PDE10A: variants seen among roughly 807,000 people sequenced by gnomAD.
PDE10A encodes cAMP and cAMP-inhibited cGMP 3',5'-cyclic phosphodiesterase 10A.
A neutral mutation model predicts 97.7 loss-of-function variants in PDE10A; 39 were observed. The observed-to-expected ratio is 0.40, with a 90% CI of 0.31 to 0.52. The LOEUF (loss-of-function observed/expected upper bound fraction) is 0.52, where lower values mean the gene tolerates loss of function less well. Ranked by LOEUF, PDE10A falls within the 20% of genes least tolerant of loss-of-function variation. PDE10A has a pLI of 0.56. For missense variants in PDE10A, 731 were observed against 1,047.8 expected (o/e 0.70, Z 4.17); for synonymous variants, 371 against 376.8 (o/e 0.98, Z 0.18).
chr6:165,659,023 G>A (rs886455623), intron 1 of PDE10A, among the ~76,000 whole-genome samples: 1 of 152,148 alleles, frequency 6.6e-6, no homozygotes, highest in African/African-American at 2.4e-5. Context: ...TGTCTCTGGG[G>A]CCTGGGTCCT....
chr6:165,496,565 CTTAACA>C (rs1780549124), intron 2 of PDE10A, among the ~76,000 whole-genome samples: 1 of 152,168 alleles, frequency 6.6e-6, no homozygotes, highest in South Asian at 2.1e-4. Flanking sequence ...GTCCATTCAA[CTTAACA>C]TTAACTCTCT....
intron 1 of PDE10A, among the ~76,000 whole-genome samples, chr6:165,591,156 A>G (rs1329314684): frequency 2.6e-5 from 4 of 152,204 alleles, no homozygotes; most frequent in African/African-American, 9.6e-5. Context: ...TCAAAAGATC[A>G]TGTGTAATTC....
intron 1 of PDE10A, among the ~76,000 whole-genome samples, chr6:165,693,307 G>A (rs1428671560): frequency 6.6e-6 from 1 of 152,054 alleles, no homozygotes; most frequent in African/African-American, 2.4e-5. Context: ...TAGGTGGGTG[G>A]ATCATCTGAG....
intron 18 of PDE10A, among the ~76,000 whole-genome samples, chr6:165,370,865 T>G (rs1784189946): frequency 6.7e-6 from 1 of 149,656 alleles, no homozygotes; most frequent in South Asian, 2.1e-4. Context: ...AGAACAGAAA[T>G]TATAACAAAC....
chr6:165,618,992 G>A (rs1319257974), intron 1 of PDE10A, among the ~76,000 whole-genome samples: 2 of 148,588 alleles, frequency 1.3e-5, no homozygotes, highest in African/African-American at 5.1e-5. Flanking sequence ...GTGTAGTGTA[G>A]TCTAGTGTAG....
chr6:165,336,254 A>T, intron 20 of PDE10A, 43 bp from the exon 21 acceptor site: 1 of 1,264,312 alleles, frequency 7.9e-7, no homozygotes, highest in South Asian at 1.2e-5. Flanking sequence ...AAAAGTGCAC[A>T]TTAGCAATTC....
intron 1 of PDE10A, among the ~76,000 whole-genome samples, chr6:165,700,312 G>T (rs1791536787): frequency 6.6e-6 from 1 of 151,990 alleles, no homozygotes; most frequent in Admixed American, 6.6e-5. Flanking sequence ...TAGGGGGCAG[G>T]GTAGGGATAC....
chr6:165,926,993 G>T lies in PDE10A; in HGVS notation c.-615+60536C>A, dbSNP rs146770907. Among the ~76,000 whole-genome samples the T allele has an allele frequency of 1.0e-3, 154 of 148,570 alleles. No individual in the cohort carries two copies. The Middle Eastern group carries it at 0.01, about 10-fold the overall frequency. ...TGTTAAGATTCATTAAAAAGCACAT[G>T]CTATGTTCTCACTTATAAGTGGGAG... On this transcript the variant is annotated intron_variant, in intron 1 of 19. Transcript: ENST00000366882.
intron 1 of PDE10A, among the ~76,000 whole-genome samples, chr6:165,724,969 C>T (rs922230023): frequency 3.9e-5 from 6 of 152,182 alleles, no homozygotes; most frequent in African/African-American, 1.4e-4. Context: ...GGCAAAGGCT[C>T]CACCCTCCGG....
At chr6:165,405,547 T>C (rs1279581465) in intron 13 of PDE10A, among the ~76,000 whole-genome samples, 5 of 152,226 alleles carry the variant, frequency 3.3e-5, no homozygotes, top group Non-Finnish European at 7.3e-5. Flanking sequence ...CTACGCACTG[T>C]TCTAAGACTT....
At chr6:165,847,692 C>G (rs1002227899) in intron 1 of PDE10A, among the ~76,000 whole-genome samples, 1 of 152,226 alleles carries the variant, frequency 6.6e-6, no homozygotes, top group African/African-American at 2.4e-5. Context: ...ACTCCCATAG[C>G]GTAAGCCAGC....
chr6:165,639,854 G>T (rs901270493), intron 1 of PDE10A, among the ~76,000 whole-genome samples: 1 of 152,004 alleles, frequency 6.6e-6, no homozygotes. Context: ...GACTGCTTGA[G>T]CCCAGGAGTT....
At chr6:165,692,438 A>G (rs1489859489) in intron 1 of PDE10A, among the ~76,000 whole-genome samples, 1 of 152,148 alleles carries the variant, frequency 6.6e-6, no homozygotes, top group Non-Finnish European at 1.5e-5. Flanking sequence ...TCATTTGGTC[A>G]CTACCGGGAC....
At position 165,671,693 on chromosome 6, in the gene PDE10A, A is replaced by G. The variant is rs1275763122; in HGVS notation, c.-614-128125T>C. Among the ~76,000 whole-genome samples the G allele has an allele frequency of 6.6e-6, 1 of 151,174 alleles. No homozygotes were observed. The highest frequency in any genetic ancestry group is 1.5e-5 in the Non-Finnish European group (1 of 68,018). ...TAAAACGGATGAAAAGCAGCTAGAT[A>G]TCACACACACACACACACATATATA... On this transcript the variant is annotated intron_variant, in intron 1 of 19. Coordinates refer to the PDE10A transcript ENST00000366882. The surrounding 1 kb of genome is among the most constrained non-coding windows in gnomAD (Gnocchi z 4.6).
chr6:165,849,008 C>G (rs1780498965), intron 1 of PDE10A, among the ~76,000 whole-genome samples: 1 of 152,162 alleles, frequency 6.6e-6, no homozygotes, highest in South Asian at 2.1e-4. Context: ...GTTACCACTG[C>G]AATAGGAGAG....
At chr6:165,605,735 T>C (rs1787176954) in intron 1 of PDE10A, among the ~76,000 whole-genome samples, 1 of 152,120 alleles carries the variant, frequency 6.6e-6, no homozygotes, top group Non-Finnish European at 1.5e-5. Context: ...ATGCTACTAC[T>C]GTTTTCAGGT....
At chr6:165,492,535 C>T (rs867025479) in intron 2 of PDE10A, among the ~76,000 whole-genome samples, 4 of 152,252 alleles carry the variant, frequency 2.6e-5, no homozygotes, top group South Asian at 2.1e-4. Context: ...GATGGTTTAA[C>T]ATTCACAAGT....
At chr6:165,530,521 T>A (rs1248012312) in intron 2 of PDE10A, among the ~76,000 whole-genome samples, 1 of 152,156 alleles carries the variant, frequency 6.6e-6, no homozygotes, top group Non-Finnish European at 1.5e-5. Context: ...AACTTCCTAC[T>A]GAGTACTATG....
intron 1 of PDE10A, among the ~76,000 whole-genome samples, chr6:165,687,126 T>G (rs947901465): frequency 6.6e-6 from 1 of 152,232 alleles, no homozygotes; most frequent in African/African-American, 2.4e-5. Flanking sequence ...TCGCCTTCGT[T>G]TCCATCCGCC....
Sources: gnomAD v4.1 joint callset for allele counts (sites outside exome capture counted in the v4.1 genomes callset) on GRCh38, gnomAD v4.1.1 for gene constraint, Gnocchi (gnomAD v3.1) non-coding constraint, MANE v1.5 for transcripts, NCBI Gene and HGNC (gene_info 2026-07-23, HGNC 2026-07-21) for gene names.